ST6GALNAC5: variants seen among roughly 807,000 people sequenced by gnomAD.
ST6GALNAC5 encodes alpha-N-acetylgalactosaminide alpha-2,6-sialyltransferase 5.
Under a neutral mutation model 33.6 loss-of-function variants are expected in ST6GALNAC5, and 27 were observed. The observed-to-expected ratio is 0.80, with a 90% CI of 0.59 to 1.11. The LOEUF is 1.11. Ranked by LOEUF, ST6GALNAC5 falls within the 50% of genes least tolerant of loss-of-function variation. The probability of loss-of-function intolerance (pLI) is 0.00; values close to 1 mark genes in which losing one functional copy is unlikely to be tolerated. For synonymous variants in ST6GALNAC5, 194 were observed against 171.2 expected (o/e 1.13, Z -1.04); for missense variants, 428 against 454.0 (o/e 0.94, Z 0.52).
At chr1:76,922,565 T>A (rs1283227511) in intron 2 of ST6GALNAC5, among the ~76,000 whole-genome samples, 1 of 152,136 alleles carries the variant, frequency 6.6e-6, no homozygotes, top group African/African-American at 2.4e-5. Flanking sequence ...AGAAACAAAG[T>A]GAGACTATTC....
intron 2 of ST6GALNAC5, among the ~76,000 whole-genome samples, chr1:76,929,750 T>A (rs957133453): frequency 5.9e-5 from 9 of 152,130 alleles, no homozygotes; most frequent in Non-Finnish European, 1.0e-4. Flanking sequence ...CTGTTCATCA[T>A]CTCAATAATT....
In ST6GALNAC5 at chr1:76,868,413, C is replaced by T. The variant is rs767095468; in HGVS notation, c.16-84C>T. The T allele has an allele frequency of 5.6e-4, 853 of 1,511,444 alleles. 1 individual carries two copies. Among genetic ancestry groups the T allele is most frequent in the Non-Finnish European group, 7.3e-4 (822 of 1,127,768 alleles). The allele number at this position is 1,511,444 out of a possible 1,614,324, so 93.6% of individuals were successfully genotyped here. On this transcript the variant is annotated intron_variant, in intron 1 of 4. Coordinates refer to ENST00000477717, the MANE Select transcript of ST6GALNAC5 (RefSeq NM_030965.3). This position sits in a 1 kb window ranked among gnomAD's most constrained non-coding sequence, Gnocchi z 4.3. Reference sequence around the variant, plus strand: ...CCCAAATCTCCCCCACTAGAGTGACCACCGCACAGTTGTCCCCGCTGGGCG... The same window carrying T: ...CCCAAATCTCCCCCACTAGAGTGACTACCGCACAGTTGTCCCCGCTGGGCG...
chr1:76,925,432 C>T (rs113012013), intron 2 of ST6GALNAC5, among the ~76,000 whole-genome samples: 2,243 of 152,186 alleles, frequency 0.015, 57 homozygotes, highest in African/African-American at 0.051. Flanking sequence ...AGGACCAGAG[C>T]TGAGTCCATT....
At chr1:76,942,279 G>A (rs558470752) in intron 2 of ST6GALNAC5, among the ~76,000 whole-genome samples, 1 of 152,040 alleles carries the variant, frequency 6.6e-6, no homozygotes, top group African/African-American at 2.4e-5. Flanking sequence ...CCTGAAATTG[G>A]TTTTAGTTAT....
At chr1:76,939,301 A>T (rs547994667) in intron 2 of ST6GALNAC5, among the ~76,000 whole-genome samples, 1 of 152,244 alleles carries the variant, frequency 6.6e-6, no homozygotes, top group East Asian at 1.9e-4. Flanking sequence ...TGTGGTCAAA[A>T]GGCAGATGTG....
At chr1:76,922,038 C>T (rs1428637227) in intron 2 of ST6GALNAC5, among the ~76,000 whole-genome samples, 2 of 152,086 alleles carry the variant, frequency 1.3e-5, no homozygotes, top group Non-Finnish European at 2.9e-5. Context: ...ATATAAAAAG[C>T]ATATGTATTG....
intron 2 of ST6GALNAC5, among the ~76,000 whole-genome samples, chr1:77,014,912 T>G (rs1650765509): frequency 6.6e-6 from 1 of 152,048 alleles, no homozygotes; most frequent in Non-Finnish European, 1.5e-5. Context: ...AAAACTAAGG[T>G]TTAGAAATTT....
intron 2 of ST6GALNAC5, among the ~76,000 whole-genome samples, chr1:77,037,749 G>A (rs1370504094): frequency 1.3e-5 from 2 of 152,078 alleles, no homozygotes; most frequent in Non-Finnish European, 2.9e-5. Context: ...TAAGAGCTAA[G>A]AGTGCTGCAG....
chr1:76,937,929 T>C (rs1172242780), intron 2 of ST6GALNAC5, among the ~76,000 whole-genome samples: 1 of 152,050 alleles, frequency 6.6e-6, no homozygotes, highest in Non-Finnish European at 1.5e-5. Flanking sequence ...TCCTATCCAT[T>C]TCACACACGT....
At chr1:76,991,228 G>A (rs1415577950) in intron 2 of ST6GALNAC5, among the ~76,000 whole-genome samples, 5 of 152,104 alleles carry the variant, frequency 3.3e-5, no homozygotes, top group Admixed American at 1.3e-4. Flanking sequence ...ATTTTATTCA[G>A]AATAAAATTT....
chr1:76,916,231 C>G (rs1646972931), intron 2 of ST6GALNAC5, among the ~76,000 whole-genome samples: 1 of 152,158 alleles, frequency 6.6e-6, no homozygotes, highest in Admixed American at 6.6e-5. Flanking sequence ...ACAACTGGGA[C>G]AGACTGGACT....
chr1:76,995,123 C>T (rs111492252), intron 2 of ST6GALNAC5, among the ~76,000 whole-genome samples: 1,657 of 152,180 alleles, frequency 0.011, 33 homozygotes, highest in African/African-American at 0.038. Flanking sequence ...TTTGGCTGGG[C>T]GCAGTGGCTC....
intron 2 of ST6GALNAC5, among the ~76,000 whole-genome samples, chr1:76,973,158 C>T (rs1648830994): frequency 6.6e-6 from 1 of 151,840 alleles, no homozygotes; most frequent in African/African-American, 2.4e-5. Context: ...GACAATTTTT[C>T]TTTGTATATG....
At chr1:76,959,370 T>C (rs1370762399) in intron 2 of ST6GALNAC5, among the ~76,000 whole-genome samples, 1 of 152,242 alleles carries the variant, frequency 6.6e-6, no homozygotes, top group African/African-American at 2.4e-5. Context: ...TCTCTCTTTT[T>C]GTGGTTTGCT....
chr1:76,911,579 C>T (rs1036471784), intron 2 of ST6GALNAC5, among the ~76,000 whole-genome samples: 2 of 151,826 alleles, frequency 1.3e-5, no homozygotes, highest in African/African-American at 4.8e-5. Context: ...GTCCTGGACT[C>T]TTTTTGGTTG....
chr1:76,915,876 A>AG, intron 2 of ST6GALNAC5, among the ~76,000 whole-genome samples: 1 of 102,474 alleles, frequency 9.8e-6, no homozygotes, highest in Middle Eastern at 4.8e-3. Context: ...GAAAAATAAC[A>AG]AAAAAAAAAC....
intron 2 of ST6GALNAC5, among the ~76,000 whole-genome samples, chr1:76,984,228 T>A (rs1649384823): frequency 6.6e-6 from 1 of 152,188 alleles, no homozygotes; most frequent in African/African-American, 2.4e-5. Flanking sequence ...CAGGAGCTGG[T>A]TTTTTGAAAA....
chr1:76,917,507 T>C (rs1320355643), intron 2 of ST6GALNAC5, among the ~76,000 whole-genome samples: 1 of 152,142 alleles, frequency 6.6e-6, no homozygotes, highest in Non-Finnish European at 1.5e-5. Flanking sequence ...AATATTCCAG[T>C]TGCCTCTGAG....
intron 2 of ST6GALNAC5, among the ~76,000 whole-genome samples, chr1:76,927,768 C>T (rs940300476): frequency 6.6e-6 from 1 of 151,974 alleles, no homozygotes; most frequent in Non-Finnish European, 1.5e-5. Flanking sequence ...TTACTCTTGG[C>T]AACAATAAAA....
Sources: allele counts gnomAD v4.1 joint callset (sites outside exome capture counted in the v4.1 genomes callset), GRCh38; gene constraint gnomAD v4.1.1; non-coding constraint Gnocchi (gnomAD v3.1); transcripts MANE v1.5; gene names NCBI Gene and HGNC (gene_info 2026-07-23, HGNC 2026-07-21).